ASAP1: variants seen among roughly 807,000 people sequenced by gnomAD.
ASAP1 encodes ArfGAP with SH3 domain, ankyrin repeat and PH domain 1.
In ASAP1, 43 loss-of-function variants were observed where a neutral mutation model predicts 145.2. The observed-to-expected ratio is 0.30, with a 90% CI of 0.23 to 0.38. ASAP1 has a LOEUF of 0.38. ASAP1 is among the 10% of genes least tolerant of loss of function. The probability of loss-of-function intolerance (pLI) is 1.00; values close to 1 mark genes in which losing one functional copy is unlikely to be tolerated. For synonymous variants in ASAP1, 546 were observed against 515.5 expected, an observed-to-expected ratio of 1.06 and a Z score of -0.80; for missense variants, 1,018 against 1,355.3, an observed-to-expected ratio of 0.75 and a Z score of 3.91.
chr8:130,377,153 A>G (rs1396969027), intron 2 of ASAP1, among the ~76,000 whole-genome samples: 1 of 152,060 alleles, frequency 6.6e-6, no homozygotes, highest in East Asian at 1.9e-4. Flanking sequence ...GTTCTCACTC[A>G]AAAGTGGGAG....
At chr8:130,182,441 G>A (rs1814419704) in intron 7 of ASAP1, among the ~76,000 whole-genome samples, 1 of 152,200 alleles carries the variant, frequency 6.6e-6, no homozygotes, top group South Asian at 2.1e-4. Flanking sequence ...GCCACCATAT[G>A]TGATTACTAA....
At chr8:130,124,231 C>T in intron 17 of ASAP1, 127 bp from the exon 18 acceptor site, 4 of 690,972 alleles carry the variant, frequency 5.8e-6, no homozygotes, top group Non-Finnish European at 9.6e-6. Context: ...ATACAAACCA[C>T]CGTCCATCTG....
At chr8:130,310,969 G>C (rs1267733596) in intron 3 of ASAP1, among the ~76,000 whole-genome samples, 1 of 152,220 alleles carries the variant, frequency 6.6e-6, no homozygotes, top group Non-Finnish European at 1.5e-5. Context: ...AGGCGGCAGT[G>C]TTTCTCTGAT....
intron 7 of ASAP1, among the ~76,000 whole-genome samples, chr8:130,184,801 T>C (rs1350470107): frequency 6.6e-6 from 1 of 152,228 alleles, no homozygotes; most frequent in Admixed American, 6.5e-5. Flanking sequence ...ATTGTGTGAC[T>C]TCCCTATGCT....
intron 3 of ASAP1, among the ~76,000 whole-genome samples, chr8:130,278,153 C>T (rs1030331563): frequency 6.6e-6 from 1 of 151,732 alleles, no homozygotes; most frequent in Non-Finnish European, 1.5e-5. Flanking sequence ...TTCTTTAACT[C>T]TCTATGATGT....
At chr8:130,224,640 C>T (rs948133425) in intron 4 of ASAP1, among the ~76,000 whole-genome samples, 83 of 152,112 alleles carry the variant, frequency 5.5e-4, no homozygotes, top group African/African-American at 2.0e-3. Flanking sequence ...CCATGGCTTG[C>T]TTTTTTCCTA....
Position 130,423,790 on chromosome 8 carries a change from T to C in ASAP1, c.-28+19670A>G, listed in dbSNP as rs530651490. ...TGGATGATGATTATTTGCTTCTTTA[T>C]CTTTTCTTGTTCTTTCTGAATTTTC... On this transcript the variant is annotated intron_variant, in intron 1 of 29. Coordinates refer to ENST00000518721, the MANE Select transcript of ASAP1 (RefSeq NM_018482.4). 1.4e-4 allele frequency among the ~76,000 whole-genome samples: 21 copies of C among 152,366 alleles called. No individual in the cohort carries two copies. In the South Asian group the frequency reaches 4.4e-3, roughly 32 times the overall value.
intron 6 of ASAP1, among the ~76,000 whole-genome samples, chr8:130,187,496 G>A (rs1386291207): frequency 6.6e-6 from 1 of 150,828 alleles, no homozygotes; most frequent in African/African-American, 2.4e-5. Context: ...GCTCACTGTA[G>A]CCTTGAACTC....
intron 2 of ASAP1, among the ~76,000 whole-genome samples, chr8:130,384,566 C>T (rs1316898731): frequency 6.6e-6 from 1 of 152,178 alleles, no homozygotes; most frequent in Non-Finnish European, 1.5e-5. Context: ...GCAACCTCCC[C>T]CTCGCCGGTT....
In ASAP1 at chr8:130,054,098, T is replaced by C. The variant is rs1456190313; in HGVS notation, c.*633A>G. On this transcript the variant is annotated 3_prime_UTR_variant, in exon 30 of 30. Transcript: ENST00000518721. ...ACTCATAAGACAGTATAAATCCACT[T>C]GTCTAAACTTGCATGAGGCTGTGTG... The C allele has an allele frequency of 1.3e-5, 2 of 152,778 alleles. No individual in the cohort carries two copies. Among genetic ancestry groups the C allele is most frequent in the Non-Finnish European group, 2.9e-5 (2 of 68,168 alleles). The allele number at this position is 152,778 out of a possible 1,614,324, so 9.5% of individuals were successfully genotyped here.
At chr8:130,133,395 G>A (rs1240532168) in intron 15 of ASAP1, among the ~76,000 whole-genome samples, 4 of 151,834 alleles carry the variant, frequency 2.6e-5, no homozygotes, top group African/African-American at 9.7e-5. Flanking sequence ...GGTGGCTCAC[G>A]CCTGTAATCC....
At chr8:130,160,898 T>G in intron 11 of ASAP1, 2 of 831,768 alleles carry the variant, frequency 2.4e-6, no homozygotes, top group Non-Finnish European at 3.4e-6. Flanking sequence ...TTTTATATAA[T>G]GTACACAGAA....
intron 3 of ASAP1, among the ~76,000 whole-genome samples, chr8:130,267,268 A>G (rs1820320046): frequency 1.3e-5 from 2 of 152,176 alleles, no homozygotes; most frequent in Non-Finnish European, 1.5e-5. Context: ...CCTAGATCTA[A>G]TGAAGTTCAA....
In ASAP1 at chr8:130,345,439, C is replaced by T. The variant is rs537341645; in HGVS notation, c.186+12578G>A. On this transcript the variant is annotated intron_variant, in intron 3 of 29. Transcript: ENST00000518721. Reference sequence around the variant, plus strand: ...TGCTTTCCTTTTCCACTGGCAGATGCATGTCTTGTTTGTGTCTCTGTATGT... The same window carrying T: ...TGCTTTCCTTTTCCACTGGCAGATGTATGTCTTGTTTGTGTCTCTGTATGT... 2.6e-5 allele frequency among the ~76,000 whole-genome samples: 4 copies of T among 152,196 alleles called. 1 individual carries two copies. Among genetic ancestry groups the T allele is most frequent in the Admixed American group, 2.6e-4 (4 of 15,278 alleles).
At chr8:130,417,335 G>A (rs2138680271) in intron 1 of ASAP1, among the ~76,000 whole-genome samples, 1 of 152,348 alleles carries the variant, frequency 6.6e-6, no homozygotes, top group South Asian at 2.1e-4. Context: ...TGTTCCCTGT[G>A]GGCCCATGGA....
rs1239255434 is a variant in ASAP1 at position 130,052,426 on chromosome 8, T to A, written c.*2305A>T. On this transcript the variant is annotated 3_prime_UTR_variant, in exon 30 of 30. Coordinates refer to ENST00000518721, the MANE Select transcript of ASAP1 (RefSeq NM_018482.4). ...GAACTAATTTGCTATTTTTTTTTCA[T>A]AAGGTTCCATATCTTCAAAATACTA... 1 of 152,522 alleles carries A rather than the reference T, an allele frequency of 6.6e-6. No individual in the cohort carries two copies. The highest frequency in any genetic ancestry group is 6.5e-5 in the Admixed American group (1 of 15,284). The allele number at this position is 152,522 out of a possible 1,614,324, so 9.4% of individuals were successfully genotyped here.
chr8:130,217,811 A>G (rs747262409), intron 4 of ASAP1, among the ~76,000 whole-genome samples: 3 of 152,184 alleles, frequency 2.0e-5, no homozygotes, highest in African/African-American at 4.8e-5. Flanking sequence ...ACACACCTCA[A>G]TAAGTGCATG....
At chr8:130,407,096 T>G (rs749438372) in intron 1 of ASAP1, among the ~76,000 whole-genome samples, 75 of 152,300 alleles carry the variant, frequency 4.9e-4, no homozygotes, top group Admixed American at 8.5e-4. Flanking sequence ...CAAAAAATGG[T>G]TGGCTCCCCG....
chr8:130,228,748 A>G (rs981850360), intron 4 of ASAP1, among the ~76,000 whole-genome samples: 9 of 151,972 alleles, frequency 5.9e-5, no homozygotes, highest in African/African-American at 2.2e-4. Context: ...AAAAAACAAA[A>G]AAACCTTTAA....
Sources: allele counts gnomAD v4.1 joint callset (sites outside exome capture counted in the v4.1 genomes callset), GRCh38; gene constraint gnomAD v4.1.1; transcripts MANE v1.5; gene names NCBI Gene and HGNC (gene_info 2026-07-23, HGNC 2026-07-21).